STXBP6: variants seen among roughly 807,000 people sequenced by gnomAD.
The protein encoded by STXBP6 is syntaxin binding protein 6.
STXBP6 carries 21 observed loss-of-function variants against 26.9 expected under a neutral mutation model. The observed-to-expected ratio is 0.78, with a 90% CI of 0.55 to 1.12. The LOEUF (loss-of-function observed/expected upper bound fraction) is 1.12. Among genes scored for constraint, STXBP6 ranks in the 50% most tolerant of loss-of-function variants. The pLI is 0.00. For missense variants in STXBP6, 232 were observed against 257.9 expected (o/e 0.90, Z 0.69); for synonymous variants, 97 against 92.6 (o/e 1.05, Z -0.27).
chr14:24,939,360 G>T (rs1303504438), intron 2 of STXBP6, among the ~76,000 whole-genome samples: 2 of 152,106 alleles, frequency 1.3e-5, no homozygotes, highest in African/African-American at 4.8e-5. Flanking sequence ...AAGCTAAAGG[G>T]TAATGGGTTC....
chr14:24,838,683 C>CA (rs71449216), intron 4 of STXBP6, among the ~76,000 whole-genome samples: 10,216 of 142,248 alleles, frequency 0.072, 420 homozygotes, highest in African/African-American at 0.12. Context: ...GATCCCGTCT[C>CA]AAAAAAAAAA....
chr14:24,925,326 CA>C (rs2072123584), intron 2 of STXBP6, among the ~76,000 whole-genome samples: 1 of 152,212 alleles, frequency 6.6e-6, no homozygotes, highest in South Asian at 2.1e-4. Flanking sequence ...AACAGATGAA[CA>C]CAAAGTTGCT....
At chr14:24,878,733 A>G (rs1039861083) in intron 2 of STXBP6, 3 of 436,324 alleles carry the variant, frequency 6.9e-6, no homozygotes, top group African/African-American at 2.0e-5. Flanking sequence ...ATGTTCAACC[A>G]TAACACACGT....
rs371914144 is a variant in STXBP6 at position 24,892,524 on chromosome 14, C to G, written c.155-35367G>C. ...GCATCCTTAGAAAGCAATTCTGATTCTGGGCCAACCACACCCCTTGGTTTG... is the reference window on the plus strand; with the variant it reads ...GCATCCTTAGAAAGCAATTCTGATTGTGGGCCAACCACACCCCTTGGTTTG... On this transcript the variant is annotated intron_variant, in intron 2 of 5. Transcript: ENST00000323944. 1.9e-3 allele frequency among the ~76,000 whole-genome samples: 289 copies of G among 152,224 alleles called. 1 individual carries two copies. Among genetic ancestry groups the G allele is most frequent in the African/African-American group, 6.5e-3 (269 of 41,540 alleles).
At chr14:24,953,463 G>A (rs908567494) in intron 2 of STXBP6, among the ~76,000 whole-genome samples, 6 of 152,098 alleles carry the variant, frequency 3.9e-5, no homozygotes, top group African/African-American at 7.2e-5. Context: ...AAGTTGTCAC[G>A]CTTCCTTCTG....
chr14:24,904,600 T>C (rs1401889369), intron 2 of STXBP6, among the ~76,000 whole-genome samples: 1 of 152,136 alleles, frequency 6.6e-6, no homozygotes. Context: ...TTGAGGTCCA[T>C]AAGGATGGGG....
Position 24,812,598 on chromosome 14 carries a change from G to A in STXBP6, c.*111C>T. 9.6e-7 allele frequency: 1 copy of A among 1,044,842 alleles called. No homozygotes were observed. Among genetic ancestry groups the A allele is most frequent in the Non-Finnish European group, 1.5e-6 (1 of 684,156 alleles). 64.7% of individuals were successfully genotyped at this position (1,044,842 alleles called of 1,614,324 possible). On this transcript the variant is annotated 3_prime_UTR_variant, in exon 6 of 6. Coordinates refer to ENST00000323944, the MANE Select transcript of STXBP6 (RefSeq NM_001394410.1). Reference sequence around the variant, plus strand: ...AAAGAAAAAACAAAAACCACTCTAAGTGTCCAAATATTGGAAAAAAAGAAG... The same window carrying A: ...AAAGAAAAAACAAAAACCACTCTAAATGTCCAAATATTGGAAAAAAAGAAG...
chr14:24,844,554 A>G (rs1398056633), intron 4 of STXBP6, among the ~76,000 whole-genome samples: 3 of 152,192 alleles, frequency 2.0e-5, no homozygotes, highest in African/African-American at 7.2e-5. Context: ...AGGGCACCCA[A>G]TTGATGCTCC....
At chr14:24,899,724 TGAGCCGAGATCGTGCCACC>T (rs1354406167) in intron 2 of STXBP6, among the ~76,000 whole-genome samples, 1 of 132,036 alleles carries the variant, frequency 7.6e-6, no homozygotes, top group South Asian at 2.3e-4. Flanking sequence ...GAGGTTGCAG[TGAGCCGAGATCGTGCCACC>T]GCACTCTAGC....
At chr14:24,975,087 A>G (rs1298127596) in intron 1 of STXBP6, among the ~76,000 whole-genome samples, 1 of 152,210 alleles carries the variant, frequency 6.6e-6, no homozygotes, top group Non-Finnish European at 1.5e-5. Context: ...GTCAAACACA[A>G]TATGAGATGA....
At chr14:24,852,317 T>A (rs1169049382) in intron 4 of STXBP6, among the ~76,000 whole-genome samples, 2 of 152,164 alleles carry the variant, frequency 1.3e-5, no homozygotes, top group Non-Finnish European at 2.9e-5. Context: ...AGAAAGATGC[T>A]GAAATTCTGC....
intron 2 of STXBP6, among the ~76,000 whole-genome samples, chr14:24,918,047 G>A (rs912293937): frequency 1.3e-5 from 2 of 152,038 alleles, no homozygotes; most frequent in African/African-American, 4.8e-5. Flanking sequence ...AGTGATGTAA[G>A]ATGTCCAGGA....
chr14:24,884,672 C>T (rs1169867749), intron 2 of STXBP6, among the ~76,000 whole-genome samples: 1 of 152,172 alleles, frequency 6.6e-6, no homozygotes, highest in Non-Finnish European at 1.5e-5. Context: ...AAGTAGTTCT[C>T]CTGGCAAATC....
At chr14:24,845,097 C>T (rs936537797) in intron 4 of STXBP6, among the ~76,000 whole-genome samples, 11 of 151,964 alleles carry the variant, frequency 7.2e-5, no homozygotes, top group Admixed American at 3.3e-4. Flanking sequence ...CTGCAACCTC[C>T]GCCTCTTGGG....
intron 1 of STXBP6, among the ~76,000 whole-genome samples, chr14:24,994,616 T>C (rs1218637373): frequency 2.0e-5 from 3 of 152,222 alleles, no homozygotes; most frequent in African/African-American, 4.8e-5. Context: ...GTAGCAGTAA[T>C]AATACTACCT....
intron 1 of STXBP6, among the ~76,000 whole-genome samples, chr14:25,024,704 T>C (rs891720462): frequency 1.3e-5 from 2 of 152,308 alleles, no homozygotes; most frequent in African/African-American, 4.8e-5. Flanking sequence ...ACTGCTAGCA[T>C]AAATAGCAAC....
chr14:24,851,363 A>G (rs530106779), intron 4 of STXBP6, among the ~76,000 whole-genome samples: 4 of 150,656 alleles, frequency 2.7e-5, no homozygotes, highest in Non-Finnish European at 5.9e-5. Context: ...CATTAGGTAT[A>G]TCTCCTAATG....
At chr14:24,955,102 T>C (rs562075475) in intron 2 of STXBP6, among the ~76,000 whole-genome samples, 4 of 152,126 alleles carry the variant, frequency 2.6e-5, no homozygotes. Flanking sequence ...TTGTTAACTA[T>C]CTTTATTGTT....
At chr14:24,972,150 T>A (rs774404621) in intron 2 of STXBP6, among the ~76,000 whole-genome samples, 3 of 152,192 alleles carry the variant, frequency 2.0e-5, no homozygotes, top group Non-Finnish European at 4.4e-5. Flanking sequence ...CAGATCTACT[T>A]TATCAATCTA....
Sources: allele counts gnomAD v4.1 joint callset (sites outside exome capture counted in the v4.1 genomes callset), GRCh38; gene constraint gnomAD v4.1.1; transcripts MANE v1.5; gene names NCBI Gene and HGNC (gene_info 2026-07-23, HGNC 2026-07-21).